Variants in DAB1 observed in about 807,000 individuals in gnomAD.
DAB1 encodes disabled homolog 1.
In DAB1, 15 loss-of-function variants were observed where a neutral mutation model predicts 64.6. That is an observed-to-expected ratio of 0.23 (90% confidence interval 0.16 to 0.36). The LOEUF (loss-of-function observed/expected upper bound fraction) is 0.36, where lower values mean the gene tolerates loss of function less well. DAB1 is among the 10% of genes least tolerant of loss of function. The pLI is 1.00. For synonymous variants in DAB1, 235 were observed against 251.9 expected, an observed-to-expected ratio of 0.93 and a Z score of 0.64; for missense variants, 596 against 706.7, an observed-to-expected ratio of 0.84 and a Z score of 1.78.
Position 57,010,764 on chromosome 1 carries a change from G to T in DAB1, c.1599C>A (p.Asn533Lys), listed in dbSNP as rs1285573132. 1.3e-6 allele frequency: 2 copies of T among 1,594,216 alleles called. No homozygotes were observed. The highest frequency in any genetic ancestry group is 1.7e-6 in the Non-Finnish European group (2 of 1,168,192). The change falls in exon 14 of 15, where the codon AAC becomes AAA. Residue 533 changes from asparagine (N) to lysine (K), a missense_variant. Asn to Lys is a moderately conservative substitution (Grantham distance 94). Transcript: ENST00000371236. ...CACTGGGCTCACCAAATGGATCACT[G>T]TTGGATGAGGCCTGTGATCCATCAG... is the stretch of plus-strand genomic sequence containing the variant. ...EAPDGSQASS[N>K]SDPFGEPSGE...
chr1:57,784,596 C>T (rs1650255484), intron 6 of DAB1, among the ~76,000 whole-genome samples: 2 of 152,112 alleles, frequency 1.3e-5, no homozygotes, highest in Admixed American at 6.6e-5. Context: ...CTGAGCCATT[C>T]CCTTAATCCA....
At chr1:58,099,516 C>T (rs578026489) in intron 5 of DAB1, among the ~76,000 whole-genome samples, 45 of 152,278 alleles carry the variant, frequency 3.0e-4, no homozygotes, top group Non-Finnish European at 5.4e-4. Flanking sequence ...TAATTATTGG[C>T]CATTTATTCA....
At chr1:57,043,618 G>A (rs924416535) in intron 9 of DAB1, among the ~76,000 whole-genome samples, 31 of 152,244 alleles carry the variant, frequency 2.0e-4, no homozygotes, top group Admixed American at 1.2e-3. Context: ...AGGCTGAGGC[G>A]GGCGGATCAC....
In DAB1 at chr1:57,997,891, A is replaced by G. The variant is rs114387669; in HGVS notation, n.388-113729T>C. ...CCACTATACTAGATAGGAGTAACAC[A>G]GAGCTGAATATGCAGTTTCTCCCCT... On this transcript the variant is annotated intron_variant and non_coding_transcript_variant, in intron 5 of 20. Transcript: ENST00000485760. 2.1e-3 allele frequency among the ~76,000 whole-genome samples: 312 copies of G among 152,084 alleles called. 1 individual carries two copies. Among genetic ancestry groups the G allele is most frequent in the African/African-American group, 7.2e-3 (298 of 41,508 alleles).
chr1:57,704,024 G>A (rs10889067), intron 6 of DAB1, among the ~76,000 whole-genome samples: 60,688 of 151,786 alleles, frequency 0.4, 12,841 homozygotes, highest in African/African-American at 0.55. Flanking sequence ...CAACACACAC[G>A]GTGGCCCATT....
At chr1:57,433,831 G>C (rs1463123394) in intron 7 of DAB1, among the ~76,000 whole-genome samples, 2 of 149,878 alleles carry the variant, frequency 1.3e-5, no homozygotes, top group Non-Finnish European at 3.0e-5. Context: ...TAGAATGAAC[G>C]GAAGACTTTG....
chr1:58,338,591 G>T (rs527504790), intron 4 of DAB1, among the ~76,000 whole-genome samples: 1 of 152,084 alleles, frequency 6.6e-6, no homozygotes, highest in Non-Finnish European at 1.5e-5. Context: ...CTCAGTCTTC[G>T]AATATATCCA....
chr1:57,973,896 T>C (rs1645857982), intron 5 of DAB1, among the ~76,000 whole-genome samples: 1 of 152,300 alleles, frequency 6.6e-6, no homozygotes, highest in East Asian at 1.9e-4. Context: ...AAATCCTTAA[T>C]GGGATCATTT....
chr1:57,045,117 C>T (rs1648294040), intron 9 of DAB1, among the ~76,000 whole-genome samples: 1 of 152,142 alleles, frequency 6.6e-6, no homozygotes, highest in South Asian at 2.1e-4. Context: ...GTGCCCATAA[C>T]AATTATGTTA....
In DAB1 at chr1:56,995,618, C is replaced by T. The variant is rs1000046675; in HGVS notation, c.*2526G>A. ...GTATACCTGAAACAGCAACATCAGC[C>T]AGAGTTCACTTTGAATGTGTCAGAA... is the stretch of plus-strand genomic sequence containing the variant. On this transcript the variant is annotated 3_prime_UTR_variant, in exon 15 of 15. Coordinates refer to ENST00000371236, the MANE Select transcript of DAB1 (RefSeq NM_001365792.1). 2 of 152,168 alleles carry T rather than the reference C, an allele frequency of 1.3e-5. No individual in the cohort carries two copies. The highest frequency in any genetic ancestry group is 4.8e-5 in the African/African-American group (2 of 41,428). The allele number at this position is 152,168 out of a possible 1,614,324, so 9.4% of individuals were successfully genotyped here.
intron 6 of DAB1, among the ~76,000 whole-genome samples, chr1:57,768,516 A>G (rs1649419540): frequency 6.6e-6 from 1 of 150,822 alleles, no homozygotes; most frequent in Admixed American, 6.6e-5. Flanking sequence ...CCACATAGTC[A>G]CATATACAGA....
rs138993715 is a variant in DAB1 at position 57,362,087 on chromosome 1, T to C, written c.-137+61843A>G. On this transcript the variant is annotated intron_variant, in intron 1 of 14. Transcript: ENST00000371236. ...TTATATAGAAGGACATGTCGAAGAA[T>C]GAATATATTAATTTGTTCCATATGA... Among the ~76,000 whole-genome samples, 375 of 152,254 alleles carry C rather than the reference T, an allele frequency of 2.5e-3. 1 individual carries two copies. The highest frequency in any genetic ancestry group is 8.7e-3 in the African/African-American group (362 of 41,548).
intron 2 of DAB1, among the ~76,000 whole-genome samples, chr1:58,517,548 T>G (rs1462763071): frequency 6.6e-6 from 1 of 152,210 alleles, no homozygotes; most frequent in East Asian, 1.9e-4. Context: ...ATCCCTCAAG[T>G]TACATCTCTG....
chr1:57,819,866 T>C (rs1231661922), intron 6 of DAB1, among the ~76,000 whole-genome samples: 1 of 152,218 alleles, frequency 6.6e-6, no homozygotes, highest in Non-Finnish European at 1.5e-5. Flanking sequence ...AAAACTCAAA[T>C]TGCTGACCCA....
At chr1:58,357,210 A>C (rs1426814145) in intron 3 of DAB1, among the ~76,000 whole-genome samples, 1 of 152,194 alleles carries the variant, frequency 6.6e-6, no homozygotes, top group Non-Finnish European at 1.5e-5. Context: ...AAATCAAACA[A>C]AAAATGATGA....
At chr1:57,981,896 T>C (rs866845582) in intron 5 of DAB1, among the ~76,000 whole-genome samples, 3 of 152,226 alleles carry the variant, frequency 2.0e-5, no homozygotes, top group Admixed American at 1.3e-4. Context: ...CCACTTGCTT[T>C]TCTGCTTTAT....
intron 3 of DAB1, among the ~76,000 whole-genome samples, chr1:58,376,118 TC>T (rs944277138): frequency 2.6e-5 from 4 of 152,142 alleles, no homozygotes; most frequent in Admixed American, 2.0e-4. Flanking sequence ...GTTGATCCTT[TC>T]AAAAAACCAG....
intron 5 of DAB1, among the ~76,000 whole-genome samples, chr1:57,978,567 G>A (rs554166366): frequency 6.6e-6 from 1 of 152,254 alleles, no homozygotes; most frequent in Admixed American, 6.5e-5. Context: ...TTGACAAATG[G>A]GATCTAATTA....
At chr1:58,363,837 T>C (rs1644190281) in intron 3 of DAB1, among the ~76,000 whole-genome samples, 1 of 151,202 alleles carries the variant, frequency 6.6e-6, no homozygotes, top group African/African-American at 2.4e-5. Flanking sequence ...CTTCTGTTGC[T>C]GCACTGGGGA....
Sources: allele counts gnomAD v4.1 joint callset (sites outside exome capture counted in the v4.1 genomes callset), GRCh38; gene constraint gnomAD v4.1.1; transcripts MANE v1.5; gene names NCBI Gene and HGNC (gene_info 2026-07-23, HGNC 2026-07-21).